The following CNTN5 variants were observed in gnomAD, a reference collection of about 807,000 sequenced individuals.
The protein encoded by CNTN5 is contactin-5.
CNTN5 carries 77 observed loss-of-function variants against 129.1 expected under a neutral mutation model. The observed-to-expected ratio is 0.60, with a 90% CI of 0.50 to 0.72. CNTN5 has a LOEUF of 0.72. Among genes scored for constraint, CNTN5 ranks in the 30% least tolerant of loss-of-function variants. The probability of loss-of-function intolerance (pLI) is 0.00; values close to 1 mark genes in which losing one functional copy is unlikely to be tolerated. For missense variants in CNTN5, 1,478 were observed against 1,328.8 expected, an observed-to-expected ratio of 1.11 and a Z score of -1.75; for synonymous variants, 509 against 465.6, an observed-to-expected ratio of 1.09 and a Z score of -1.20.
intron 20 of CNTN5, among the ~76,000 whole-genome samples, chr11:100,301,324 G>T (rs1951215306): frequency 6.6e-6 from 1 of 151,384 alleles, no homozygotes; most frequent in Non-Finnish European, 1.5e-5. Flanking sequence ...GTCAATCTTT[G>T]CTTTGAAATT....
intron 3 of CNTN5, among the ~76,000 whole-genome samples, chr11:99,714,829 C>G (rs867813100): frequency 1.2e-4 from 17 of 138,834 alleles, no homozygotes; most frequent in African/African-American, 4.6e-4. Flanking sequence ...AACCACTTAG[C>G]CTGTTTGAAC....
intron 1 of CNTN5, among the ~76,000 whole-genome samples, chr11:99,031,048 C>T (rs1020780020): frequency 3.3e-5 from 5 of 152,018 alleles, no homozygotes; most frequent in East Asian, 1.9e-4. Flanking sequence ...CCGCCCGTCT[C>T]GGCCTCCCAA....
rs578027192 is a variant in CNTN5 at position 99,689,504 on chromosome 11, G to A, written c.56-130040G>A. On this transcript the variant is annotated intron_variant, in intron 3 of 24. Transcript: ENST00000524871. The stretch of plus-strand genomic sequence containing the variant: ...GTCGCGCCACTGCACTCTACCCTGG[G>A]CGACAGAGTGAGACTCCTCAAAAAA... Among the ~76,000 whole-genome samples the A allele has an allele frequency of 1.7e-3, 212 of 125,886 alleles. 1 individual carries two copies. The highest frequency in any genetic ancestry group is 6.0e-3 in the African/African-American group (198 of 32,818). 82.6% of individuals were successfully genotyped at this position (125,886 alleles called of 152,430 possible). A position where few individuals can be genotyped will look rare whatever the true frequency, so the allele number is the denominator to read the frequency against.
chr11:99,137,590 T>C (rs572686766), intron 1 of CNTN5, among the ~76,000 whole-genome samples: 1 of 152,250 alleles, frequency 6.6e-6, no homozygotes, highest in Non-Finnish European at 1.5e-5. Flanking sequence ...TTTTTGCCTG[T>C]TTTAAAAATT....
intron 18 of CNTN5, among the ~76,000 whole-genome samples, chr11:100,276,736 C>T (rs571478180): frequency 1.8e-4 from 27 of 152,040 alleles, no homozygotes; most frequent in African/African-American, 6.3e-4. Context: ...TTGATACAGG[C>T]ATACAATGCT....
intron 1 of CNTN5, among the ~76,000 whole-genome samples, chr11:99,292,111 T>G (rs1319713953): frequency 6.6e-6 from 1 of 152,002 alleles, no homozygotes; most frequent in Non-Finnish European, 1.5e-5. Flanking sequence ...ACTAATGTAA[T>G]TTACATTTTG....
rs180803805 is a variant in CNTN5, at chr11:99,499,517, G to A, written c.-70-56628G>A. Among the ~76,000 whole-genome samples the A allele has an allele frequency of 6.6e-5, 10 of 152,090 alleles. No homozygotes were observed. In the East Asian group the frequency reaches 9.7e-4, roughly 15 times the overall value. ...CTGGTGCCTTGGTCTTGTGCGTCCC[G>A]GCCTCCAGAACCACGAGAAATCAAT... On this transcript the variant is annotated intron_variant, in intron 2 of 24. Transcript: ENST00000524871.
rs540942588 is a variant in CNTN5 at position 99,496,909 on chromosome 11, G to A, written c.-70-59236G>A. On this transcript the variant is annotated intron_variant, in intron 2 of 24. Coordinates refer to ENST00000524871, the MANE Select transcript of CNTN5 (RefSeq NM_014361.4). Reference sequence around the variant, plus strand: ...TCAAAGGAACGAAAAATAGAGAGAAGCAAAACATACTGGTTAAATAAATTA... The same window carrying A: ...TCAAAGGAACGAAAAATAGAGAGAAACAAAACATACTGGTTAAATAAATTA... Among the ~76,000 whole-genome samples, 9 of 152,242 alleles carry A rather than the reference G, an allele frequency of 5.9e-5. No individual in the cohort carries two copies. The South Asian group carries it at 1.2e-3, about 21-fold the overall frequency.
intron 18 of CNTN5, among the ~76,000 whole-genome samples, chr11:100,275,929 T>C (rs1167511320): frequency 6.6e-6 from 1 of 152,180 alleles, no homozygotes; most frequent in African/African-American, 2.4e-5. Context: ...GAGACACCAA[T>C]GTCTGGAGAC....
At chr11:99,345,725 G>A (rs1937804489) in intron 2 of CNTN5, among the ~76,000 whole-genome samples, 1 of 152,146 alleles carries the variant, frequency 6.6e-6, no homozygotes, top group Non-Finnish European at 1.5e-5. Flanking sequence ...CTATTAAAAT[G>A]TAGATTATAT....
intron 4 of CNTN5, among the ~76,000 whole-genome samples, chr11:99,827,186 C>T (rs1946989257): frequency 6.6e-6 from 1 of 152,266 alleles, no homozygotes; most frequent in African/African-American, 2.4e-5. Context: ...CTCCAGGGTT[C>T]AAGCGATTCT....
chr11:100,256,973 G>A (rs965274881), intron 17 of CNTN5, among the ~76,000 whole-genome samples: 1 of 152,062 alleles, frequency 6.6e-6, no homozygotes, highest in African/African-American at 2.4e-5. Flanking sequence ...CCCTAGAAAG[G>A]GGGCTGAAGC....
At chr11:99,583,519 C>A in intron 3 of CNTN5, among the ~76,000 whole-genome samples, 1 of 152,234 alleles carries the variant, frequency 6.6e-6, no homozygotes. Context: ...CAAGCCTGAG[C>A]AATGGTGGGT....
intron 1 of CNTN5, among the ~76,000 whole-genome samples, chr11:99,057,230 T>C (rs554874244): frequency 6.6e-6 from 1 of 151,964 alleles, no homozygotes; most frequent in Admixed American, 6.6e-5. Flanking sequence ...GAAGATTTTC[T>C]AGAAAAGCCA....
intron 3 of CNTN5, among the ~76,000 whole-genome samples, chr11:99,815,361 G>A (rs1334090944): frequency 6.6e-6 from 1 of 151,042 alleles, no homozygotes; most frequent in Non-Finnish European, 1.5e-5. Context: ...TCAGAACTAA[G>A]ACTGAGGAGT....
intron 3 of CNTN5, among the ~76,000 whole-genome samples, chr11:99,614,961 G>T (rs530403571): frequency 2.4e-4 from 36 of 150,396 alleles, no homozygotes; most frequent in Non-Finnish European, 5.0e-4. Flanking sequence ...GTGTGTGTGT[G>T]CATGTGTGTG....
chr11:99,952,152 T>G (rs943267583), intron 7 of CNTN5, among the ~76,000 whole-genome samples: 2 of 152,190 alleles, frequency 1.3e-5, no homozygotes, highest in African/African-American at 2.4e-5. Flanking sequence ...TCAGTAGTAA[T>G]GAATAATTAA....
chr11:99,760,372 C>A (rs1384311202), intron 3 of CNTN5, among the ~76,000 whole-genome samples: 1 of 152,048 alleles, frequency 6.6e-6, no homozygotes, highest in Non-Finnish European at 1.5e-5. Flanking sequence ...TACTTTACCT[C>A]TCTATATGGT....
intron 1 of CNTN5, among the ~76,000 whole-genome samples, chr11:99,215,994 C>T (rs1026293900): frequency 1.2e-4 from 18 of 152,176 alleles, no homozygotes; most frequent in Non-Finnish European, 5.9e-5. Flanking sequence ...TCACCTCAAG[C>T]ATTTATCATG....
Sources: gnomAD v4.1 joint callset for allele counts (sites outside exome capture counted in the v4.1 genomes callset) on GRCh38, gnomAD v4.1.1 for gene constraint, MANE v1.5 for transcripts, NCBI Gene and HGNC (gene_info 2026-07-23, HGNC 2026-07-21) for gene names.